CNTNAP2: variants seen among roughly 807,000 people sequenced by gnomAD.
The protein encoded by CNTNAP2 is contactin associated protein 2.
Under a neutral mutation model 155.2 loss-of-function variants are expected in CNTNAP2, and 98 were observed. The ratio of observed to expected loss-of-function variants is 0.63; its 90% confidence interval spans 0.54 to 0.75. CNTNAP2 has a LOEUF of 0.75. CNTNAP2 is among the 30% of genes least tolerant of loss of function. The probability of loss-of-function intolerance (pLI) is 0.00; values close to 1 mark genes in which losing one functional copy is unlikely to be tolerated. For synonymous variants in CNTNAP2, 651 were observed against 631.2 expected, an observed-to-expected ratio of 1.03 and a Z score of -0.47; for missense variants, 1,727 against 1,688.1, an observed-to-expected ratio of 1.02 and a Z score of -0.40.
chr7:146,158,571 AC>A (rs1446074011), intron 1 of CNTNAP2, among the ~76,000 whole-genome samples: 2 of 152,196 alleles, frequency 1.3e-5, no homozygotes, highest in Admixed American at 6.5e-5. Flanking sequence ...GCTGAAAACC[AC>A]GGCATGAGAA....
At chr7:147,119,403 C>T (rs1482428982) in intron 5 of CNTNAP2, among the ~76,000 whole-genome samples, 1 of 152,114 alleles carries the variant, frequency 6.6e-6, no homozygotes, top group Non-Finnish European at 1.5e-5. Flanking sequence ...GAGAAATATC[C>T]ACTCAAATAT....
intron 9 of CNTNAP2, among the ~76,000 whole-genome samples, chr7:147,391,630 GA>G (rs1796720174): frequency 6.6e-6 from 1 of 151,964 alleles, no homozygotes; most frequent in Non-Finnish European, 1.5e-5. Context: ...TCTACAGAAG[GA>G]AAATGCTTTT....
chr7:147,486,889 C>G (rs76690224), intron 11 of CNTNAP2, among the ~76,000 whole-genome samples: 5 of 146,944 alleles, frequency 3.4e-5, no homozygotes, highest in Middle Eastern at 3.5e-3. Context: ...ACGTATGTGC[C>G]TGTGTGTGTG....
chr7:147,965,272 G>T (rs1162430729), intron 14 of CNTNAP2, among the ~76,000 whole-genome samples: 2 of 152,110 alleles, frequency 1.3e-5, no homozygotes, highest in Non-Finnish European at 2.9e-5. Flanking sequence ...ACCTTGGAAA[G>T]CAATGTTGGC....
At chr7:146,221,097 T>G (rs1260937133) in intron 1 of CNTNAP2, among the ~76,000 whole-genome samples, 1 of 152,208 alleles carries the variant, frequency 6.6e-6, no homozygotes, top group Non-Finnish European at 1.5e-5. Flanking sequence ...CTGCATGAGT[T>G]GAATCACTCC....
intron 8 of CNTNAP2, among the ~76,000 whole-genome samples, chr7:147,232,808 C>A (rs1803714239): frequency 6.6e-6 from 1 of 151,802 alleles, no homozygotes; most frequent in Middle Eastern, 3.4e-3. Context: ...TTTTCTTTTT[C>A]TGAAGAACAA....
chr7:146,151,700 A>ATATATG (rs1562969128), intron 1 of CNTNAP2, among the ~76,000 whole-genome samples: 54 of 57,544 alleles, frequency 9.4e-4, no homozygotes, highest in African/African-American at 5.4e-3. Flanking sequence ...ATATATATGT[A>ATATATG]TATATATATA....
At chr7:146,332,845 T>C (rs1314360664) in intron 1 of CNTNAP2, among the ~76,000 whole-genome samples, 1 of 152,128 alleles carries the variant, frequency 6.6e-6, no homozygotes, top group African/African-American at 2.4e-5. Flanking sequence ...AGTATCATTC[T>C]ATGCATGTCC....
chr7:146,195,772 T>C (rs1471039849), intron 1 of CNTNAP2, among the ~76,000 whole-genome samples: 24 of 152,174 alleles, frequency 1.6e-4, no homozygotes, highest in Non-Finnish European at 4.4e-5. Context: ...AGGCACAACC[T>C]CCTGAAGCCT....
chr7:147,780,003 G>A (rs1264094215), intron 13 of CNTNAP2, among the ~76,000 whole-genome samples: 2 of 152,124 alleles, frequency 1.3e-5, no homozygotes, highest in Non-Finnish European at 2.9e-5. Flanking sequence ...ATTTCCTTAT[G>A]CCACAAAATC....
Position 146,535,198 on chromosome 7 carries a change from A to ATATATCATATATATGATAT in CNTNAP2, c.98-239058_98-239040dup, listed in dbSNP as rs1797838490. Among the ~76,000 whole-genome samples the ATATATCATATATATGATAT allele has an allele frequency of 1.4e-4, 6 of 41,540 alleles. 1 individual carries two copies. Among genetic ancestry groups the ATATATCATATATATGATAT allele is most frequent in the Non-Finnish European group, 3.4e-5 (1 of 29,318 alleles). 27.3% of individuals were successfully genotyped at this position (41,540 alleles called of 152,430 possible). On this transcript the variant is annotated intron_variant, in intron 1 of 23. Coordinates refer to ENST00000361727, the MANE Select transcript of CNTNAP2 (RefSeq NM_014141.6). ...TATATCATATATATGATATTATATCATATATCATATATATGATATTATATC... is the reference window on the plus strand; with the variant it reads ...TATATCATATATATGATATTATATCATATATCATATATATGATATTATATCATATATATGATATTATATC...
At chr7:146,815,866 C>T (rs1015832745) in intron 2 of CNTNAP2, among the ~76,000 whole-genome samples, 8 of 152,090 alleles carry the variant, frequency 5.3e-5, no homozygotes, top group African/African-American at 1.7e-4. Flanking sequence ...CCCATCAACT[C>T]GTCATTTACA....
At chr7:148,091,260 T>C (rs1249376439) in intron 15 of CNTNAP2, among the ~76,000 whole-genome samples, 3 of 152,206 alleles carry the variant, frequency 2.0e-5, no homozygotes, top group Admixed American at 1.3e-4. Context: ...AGATAACGCA[T>C]GTGTTAAATA....
At chr7:148,003,255 G>A (rs1801926901) in intron 15 of CNTNAP2, among the ~76,000 whole-genome samples, 1 of 152,124 alleles carries the variant, frequency 6.6e-6, no homozygotes, top group Admixed American at 6.6e-5. Flanking sequence ...CACCTGAAGG[G>A]ATGAGATCAG....
chr7:146,603,432 C>G (rs1330187690), intron 1 of CNTNAP2, among the ~76,000 whole-genome samples: 3 of 149,970 alleles, frequency 2.0e-5, no homozygotes, highest in Non-Finnish European at 4.4e-5. Context: ...AAGATACAAA[C>G]AAATGGAAGA....
chr7:147,086,026 C>T (rs532980034), intron 4 of CNTNAP2, among the ~76,000 whole-genome samples: 1 of 152,084 alleles, frequency 6.6e-6, no homozygotes, highest in Non-Finnish European at 1.5e-5. Context: ...GTAGAAAAAC[C>T]CAGTGGGGCA....
chr7:146,352,748 C>CTTTTTTTT lies in CNTNAP2; in HGVS notation c.97+235776_97+235777insTTTTTTTT, dbSNP rs1201897985. On this transcript the variant is annotated intron_variant, in intron 1 of 23. Transcript: ENST00000361727. ...TCTTATAATTTCAATTAGCATAATT[C>CTTTTTTTT]TGTTTTTTTTTTTTTTTTTTTTTCG... 2.5e-3 allele frequency among the ~76,000 whole-genome samples: 167 copies of CTTTTTTTT among 66,136 alleles called. 1 individual carries two copies. Among genetic ancestry groups the CTTTTTTTT allele is most frequent in the African/African-American group, 7.2e-3 (76 of 10,516 alleles). The allele number at this position is 66,136 out of a possible 152,430, so 43.4% of individuals were successfully genotyped here. A position where few individuals can be genotyped will look rare whatever the true frequency, so the allele number is the denominator to read the frequency against.
At chr7:146,604,336 C>A (rs1417481368) in intron 1 of CNTNAP2, among the ~76,000 whole-genome samples, 1 of 130,194 alleles carries the variant, frequency 7.7e-6, no homozygotes, top group Non-Finnish European at 1.6e-5. Context: ...CTCATCATCA[C>A]TGGCCATCAG....
At chr7:147,379,274 A>T (rs1359888272) in intron 9 of CNTNAP2, among the ~76,000 whole-genome samples, 3 of 152,080 alleles carry the variant, frequency 2.0e-5, no homozygotes, top group Non-Finnish European at 4.4e-5. Flanking sequence ...TTCTCATTTT[A>T]CTTCAAATAA....
Sources: allele counts gnomAD v4.1 joint callset (sites outside exome capture counted in the v4.1 genomes callset), GRCh38; gene constraint gnomAD v4.1.1; transcripts MANE v1.5; gene names NCBI Gene and HGNC (gene_info 2026-07-23, HGNC 2026-07-21).